The following DTWD2 variants were observed in gnomAD, a reference collection of about 807,000 sequenced individuals.
The protein encoded by DTWD2 is tRNA-uridine aminocarboxypropyltransferase 2.
A neutral mutation model predicts 31.8 loss-of-function variants in DTWD2; 39 were observed. The observed-to-expected ratio is 1.22, with a 90% CI of 0.95 to 1.60. The LOEUF is 1.60. DTWD2 is among the 40% of genes most tolerant of loss of function. The probability of loss-of-function intolerance (pLI) is 0.00; values close to 1 mark genes in which losing one functional copy is unlikely to be tolerated. For missense variants in DTWD2, 515 were observed against 381.5 expected, an observed-to-expected ratio of 1.35 and a Z score of -2.92; for synonymous variants, 180 against 142.8, an observed-to-expected ratio of 1.26 and a Z score of -1.86.
Position 118,838,333 on chromosome 5 carries a change from T to C in DTWD2, c.*2584A>G, listed in dbSNP as rs1462867406. 3 of 152,202 alleles carry C rather than the reference T, an allele frequency of 2.0e-5. No homozygotes were observed. Among genetic ancestry groups the C allele is most frequent in the South Asian group, 4.1e-4 (2 of 4,834 alleles). The allele number at this position is 152,202 out of a possible 1,614,324, so 9.4% of individuals were successfully genotyped here. ...GATCTACACAACATCAAAGTGCAGATGGGGTACACAAGTAAAACCTACTAT... is the reference window on the plus strand; with the variant it reads ...GATCTACACAACATCAAAGTGCAGACGGGGTACACAAGTAAAACCTACTAT... On this transcript the variant is annotated 3_prime_UTR_variant, in exon 6 of 6. Transcript: ENST00000510708.
At chr5:118,853,711 A>G (rs990847454) in intron 4 of DTWD2, among the ~76,000 whole-genome samples, 5 of 152,170 alleles carry the variant, frequency 3.3e-5, no homozygotes, top group Non-Finnish European at 7.3e-5. Context: ...ACACACAGAA[A>G]TAAAGATAGG....
At chr5:118,979,137 T>C (rs1755231413) in intron 1 of DTWD2, among the ~76,000 whole-genome samples, 1 of 151,800 alleles carries the variant, frequency 6.6e-6, no homozygotes, top group South Asian at 2.1e-4. Context: ...ACCCCATCTC[T>C]GCTAAAAATA....
rs568332575 is a variant in DTWD2 at position 118,885,176 on chromosome 5, G to A, written c.598-36958C>T. Among the ~76,000 whole-genome samples the A allele has an allele frequency of 2.7e-3, 412 of 151,010 alleles. 1 individual carries two copies. The highest frequency in any genetic ancestry group is 9.5e-3 in the African/African-American group (391 of 41,120). On this transcript the variant is annotated intron_variant, in intron 4 of 5. Coordinates refer to ENST00000510708, the MANE Select transcript of DTWD2 (RefSeq NM_173666.4). Reference sequence around the variant, plus strand: ...ATTAAAAAAAAAAAAAAAATTGGCCGGGTGCAGTGTCTCATGCCTGTAATC... The same window carrying A: ...ATTAAAAAAAAAAAAAAAATTGGCCAGGTGCAGTGTCTCATGCCTGTAATC...
rs370588195 is a variant in DTWD2, at chr5:118,855,101, A to G, written c.598-6883T>C. 2.2e-4 allele frequency among the ~76,000 whole-genome samples: 33 copies of G among 151,472 alleles called. No homozygotes were observed. In the East Asian group the frequency reaches 5.9e-3, roughly 27 times the overall value. On this transcript the variant is annotated intron_variant, in intron 4 of 5. Transcript: ENST00000510708. ...AGGATCACCTGCGCCTGGGAGGTTC[A>G]GGCTGCAGTGAGCCATGACTGTGCC... is the stretch of plus-strand genomic sequence containing the variant.
At position 118,925,307 on chromosome 5, in the gene DTWD2, A is replaced by G. The variant is rs202011723; in HGVS notation, c.597+3230T>C. The stretch of plus-strand genomic sequence containing the variant: ...ACATAAAGAAAAATACAATTAACAA[A>G]CTTAAAAGCAATAGTATGAATGTTT... On this transcript the variant is annotated intron_variant, in intron 4 of 5. Transcript: ENST00000510708. Among the ~76,000 whole-genome samples the G allele has an allele frequency of 2.6e-5, 4 of 152,324 alleles. No individual in the cohort carries two copies. The East Asian group carries it at 7.7e-4, about 29-fold the overall frequency.
At chr5:118,979,312 T>A (rs139437456) in intron 1 of DTWD2, among the ~76,000 whole-genome samples, 2,209 of 151,586 alleles carry the variant, frequency 0.015, 53 homozygotes, top group African/African-American at 0.05. Context: ...CCCAAAAAAA[T>A]AAATAAATAA....
chr5:118,983,475 C>T (rs1755353316), intron 1 of DTWD2, among the ~76,000 whole-genome samples: 1 of 152,078 alleles, frequency 6.6e-6, no homozygotes, highest in East Asian at 1.9e-4. Flanking sequence ...TTCTTAAACA[C>T]CTGCACTCTT....
At chr5:118,871,163 G>A (rs990810418) in intron 4 of DTWD2, among the ~76,000 whole-genome samples, 6 of 152,086 alleles carry the variant, frequency 3.9e-5, no homozygotes, top group African/African-American at 1.4e-4. Context: ...GTTAAATTAT[G>A]AGATTTCAAC....
chr5:118,846,382 T>G (rs1276001614), intron 5 of DTWD2, among the ~76,000 whole-genome samples: 7 of 152,276 alleles, frequency 4.6e-5, no homozygotes. Context: ...TATTTAGGAT[T>G]GCAGTAAAGA....
At chr5:118,859,730 GT>G (rs1208741146) in intron 4 of DTWD2, among the ~76,000 whole-genome samples, 1 of 152,152 alleles carries the variant, frequency 6.6e-6, no homozygotes, top group Non-Finnish European at 1.5e-5. Flanking sequence ...TTCAAGGTCT[GT>G]CCCCTCTACT....
intron 5 of DTWD2, among the ~76,000 whole-genome samples, chr5:118,846,090 T>C (rs998855048): frequency 3.7e-4 from 57 of 152,188 alleles, no homozygotes; most frequent in African/African-American, 1.3e-3. Context: ...AAGAATTCAC[T>C]CTAATACTTT....
chr5:118,836,346 T>C lies in DTWD2; in HGVS notation c.*4571A>G, dbSNP rs1242641202. Among the ~76,000 whole-genome samples, 1 of 152,084 alleles carries C rather than the reference T, an allele frequency of 6.6e-6. No homozygotes were observed. Among genetic ancestry groups the C allele is most frequent in the Non-Finnish European group, 1.5e-5 (1 of 68,014 alleles). On this transcript the variant is annotated 3_prime_UTR_variant, in exon 6 of 6. Transcript: ENST00000510708. ...CCTCTGCCTCCCAGGTTCAAGCAAT[T>C]CTCTGCCTCAGCCTCCTGAGTAGCT...
intron 1 of DTWD2, among the ~76,000 whole-genome samples, chr5:118,980,684 A>G (rs1247796698): frequency 6.6e-6 from 1 of 152,244 alleles, no homozygotes; most frequent in Non-Finnish European, 1.5e-5. Context: ...TGGAAAAAAC[A>G]GAAAGCTCAT....
intron 1 of DTWD2, 92 bp downstream of exon 1, chr5:118,988,201 CT>C: frequency 6.8e-7 from 1 of 1,473,220 alleles, no homozygotes; most frequent in South Asian, 1.2e-5. Flanking sequence ...AATCGCAGAG[CT>C]GCCCGAGCCG....
chr5:118,981,863 T>G (rs1324238822), intron 1 of DTWD2, among the ~76,000 whole-genome samples: 1 of 152,200 alleles, frequency 6.6e-6, no homozygotes. Flanking sequence ...AAAAGAATCT[T>G]TAGATTAGAA....
At chr5:118,878,027 C>A (rs1235246574) in intron 4 of DTWD2, among the ~76,000 whole-genome samples, 4 of 152,044 alleles carry the variant, frequency 2.6e-5, no homozygotes, top group Non-Finnish European at 4.4e-5. Flanking sequence ...CAAAACACTG[C>A]TCAAAGAAAC....
chr5:118,866,753 C>T (rs1284618089), intron 4 of DTWD2, among the ~76,000 whole-genome samples: 1 of 151,916 alleles, frequency 6.6e-6, no homozygotes, highest in Non-Finnish European at 1.5e-5. Context: ...CCCATCTCTA[C>T]TAAAAATACA....
intron 4 of DTWD2, among the ~76,000 whole-genome samples, chr5:118,850,293 G>C (rs1290789646): frequency 1.5e-5 from 2 of 130,884 alleles, no homozygotes; most frequent in African/African-American, 5.9e-5. Context: ...GTGAAACCCT[G>C]TCTCTACCAA....
At chr5:118,872,607 T>C (rs1026106282) in intron 4 of DTWD2, among the ~76,000 whole-genome samples, 3 of 152,222 alleles carry the variant, frequency 2.0e-5, no homozygotes, top group Admixed American at 6.5e-5. Context: ...CCTTCTTCTA[T>C]AGGTGAGGTT....
Sources: gnomAD v4.1 joint callset for allele counts (sites outside exome capture counted in the v4.1 genomes callset) on GRCh38, gnomAD v4.1.1 for gene constraint, MANE v1.5 for transcripts, NCBI Gene and HGNC (gene_info 2026-07-23, HGNC 2026-07-21) for gene names.